SAP30: variants seen among roughly 807,000 people sequenced by gnomAD.
SAP30 encodes histone deacetylase complex subunit SAP30.
Under a neutral mutation model 19.6 loss-of-function variants are expected in SAP30, and 13 were observed. The observed-to-expected ratio is 0.66, with a 90% CI of 0.43 to 1.05. The LOEUF (loss-of-function observed/expected upper bound fraction) is 1.05. Among genes scored for constraint, SAP30 ranks in the 50% least tolerant of loss-of-function variants. The probability of loss-of-function intolerance (pLI) is 0.00; values close to 1 mark genes in which losing one functional copy is unlikely to be tolerated. For missense variants in SAP30, 257 were observed against 292.1 expected (o/e 0.88, Z 0.88); for synonymous variants, 108 against 122.7 (o/e 0.88, Z 0.79).
intron 3 of SAP30, 107 bp from the exon 4 acceptor site, chr4:173,377,098 C>T: frequency 1.5e-6 from 1 of 667,056 alleles, no homozygotes; most frequent in Non-Finnish European, 2.4e-6. Flanking sequence ...AGGAAATAGC[C>T]CTTATCACAT....
chr4:173,374,084 G>T (rs1389354932), intron 3 of SAP30, 47 bp downstream of exon 3: 22 of 991,498 alleles, frequency 2.2e-5, no homozygotes, highest in Non-Finnish European at 3.4e-5. Flanking sequence ...CAACCGAGAG[G>T]TTATTAAGTG....
chr4:173,373,953 A>T lies in SAP30; in HGVS notation c.456A>T (p.Gln152His). 6.4e-7 allele frequency: 1 copy of T among 1,566,350 alleles called. No homozygotes were observed. The highest frequency in any genetic ancestry group is 1.4e-5 in the African/African-American group (1 of 72,928). Residue 152 changes from glutamine (Q) to histidine (H), a missense_variant, in exon 3 of 4, where the codon CAA (glutamine) becomes CAT (histidine). By Grantham distance (24) the Gln-to-His change is conservative (BLOSUM62 0). Transcript: ENST00000296504. Reference protein sequence around the residue: ...DIDTPEVDLYQLQVNTLRRYK... With the variant: ...DIDTPEVDLYHLQVNTLRRYK... ...ATTTTTTCTAGGTTGATTTATACCA[A>T]TTACAAGTAAATACACTTAGGAGAT...
chr4:173,372,643 G>A (rs1738962533), intron 1 of SAP30, among the ~76,000 whole-genome samples: 1 of 152,216 alleles, frequency 6.6e-6, no homozygotes, highest in Admixed American at 6.5e-5. Flanking sequence ...AGACTGGAAA[G>A]CATACATTAT....
At chr4:173,372,232 G>A (rs1738954754) in intron 1 of SAP30, among the ~76,000 whole-genome samples, 1 of 152,194 alleles carries the variant, frequency 6.6e-6, no homozygotes, top group Non-Finnish European at 1.5e-5. Flanking sequence ...TCTGGCTAGC[G>A]GTAAATGAAT....
Position 173,371,260 on chromosome 4 carries a change from G to GGCC in SAP30, c.88_90dup (p.Ala30dup). ...CAGTGGCCGCAGTGGTCGCTGCCGC[G>GGCC]GCCGCCGCCGCCTCGGCGGGGAACG... On this transcript the variant is annotated inframe_insertion, in exon 1 of 4. Coordinates refer to ENST00000296504, the MANE Select transcript of SAP30 (RefSeq NM_003864.4). The surrounding 1 kb of genome is among the most constrained non-coding windows in gnomAD (Gnocchi z 6.4). 2 of 1,292,862 alleles carry GGCC rather than the reference G, an allele frequency of 1.5e-6. No individual in the cohort carries two copies. Among genetic ancestry groups the GGCC allele is most frequent in the South Asian group, 1.9e-5 (1 of 52,934 alleles). 80.1% of individuals were successfully genotyped at this position (1,292,862 alleles called of 1,614,324 possible). A position where few individuals can be genotyped will look rare whatever the true frequency, so the allele number is the denominator to read the frequency against.
intron 3 of SAP30, among the ~76,000 whole-genome samples, chr4:173,376,364 T>A (rs2126906348): frequency 6.6e-6 from 1 of 152,308 alleles, no homozygotes; most frequent in East Asian, 1.9e-4. Context: ...TCAAGGAACC[T>A]TAACCAAAGA....
intron 1 of SAP30, among the ~76,000 whole-genome samples, chr4:173,372,337 T>G (rs1246049140): frequency 2.6e-5 from 4 of 152,238 alleles, no homozygotes; most frequent in Admixed American, 2.0e-4. Context: ...CAGTCCGTGT[T>G]TGTTTCAAAT....
chr4:173,377,470 G>A lies in SAP30; in HGVS notation c.*143G>A, dbSNP rs1739065654. 2.7e-6 allele frequency: 2 copies of A among 743,542 alleles called. No homozygotes were observed. Among genetic ancestry groups the A allele is most frequent in the African/African-American group, 3.8e-5 (2 of 53,254 alleles). The allele number at this position is 743,542 out of a possible 1,614,324, so 46.1% of individuals were successfully genotyped here. On this transcript the variant is annotated 3_prime_UTR_variant, in exon 4 of 4. Transcript: ENST00000296504. ...TGTTTCTGACTCTAATAATTAGTTG[G>A]AAACTCATATAAAATGAGCTTTCCT...
chr4:173,374,247 T>C (rs1219155100), intron 3 of SAP30, among the ~76,000 whole-genome samples: 1 of 152,226 alleles, frequency 6.6e-6, no homozygotes, highest in Non-Finnish European at 1.5e-5. Context: ...GTAGATTGTG[T>C]ACAGCACCTT....
chr4:173,376,320 C>T (rs1739038629), intron 3 of SAP30, among the ~76,000 whole-genome samples: 1 of 152,216 alleles, frequency 6.6e-6, no homozygotes, highest in Admixed American at 6.5e-5. Context: ...TTTCTCCTCT[C>T]ATTTCCATTC....
chr4:173,377,075 A>G (rs1052174432), intron 3 of SAP30, 130 bp from the exon 4 acceptor site: 19 of 552,738 alleles, frequency 3.4e-5, no homozygotes, highest in Non-Finnish European at 5.5e-5. Flanking sequence ...ATTTTGTTAA[A>G]TATAATTTTT....
chr4:173,372,913 G>A (rs1437790739), intron 1 of SAP30, among the ~76,000 whole-genome samples: 3 of 152,170 alleles, frequency 2.0e-5, no homozygotes, highest in Admixed American at 2.0e-4. Context: ...CTCCTGAGTA[G>A]CTGGGATTAC....
Position 173,374,037 on chromosome 4 carries a change from G to A in SAP30, c.540G>A (p.Glu180=). Residue 180 remains glutamate (E), a splice_region_variant and synonymous_variant, in exon 3 of 4, where the codon GAG becomes GAA. Coordinates refer to ENST00000296504, the MANE Select transcript of SAP30 (RefSeq NM_003864.4). ...RPGLNKAQLV[E]IVGCHFRSIP... ...GACTTAATAAAGCACAACTTGTTGA[G>A]GTATATATGAGTTTTAAACTATTTG... 2 of 1,554,436 alleles carry A rather than the reference G, an allele frequency of 1.3e-6. No homozygotes were observed. The highest frequency in any genetic ancestry group is 1.8e-6 in the Non-Finnish European group (2 of 1,138,474).
chr4:173,372,062 C>T (rs1313936775), intron 1 of SAP30, among the ~76,000 whole-genome samples: 1 of 152,234 alleles, frequency 6.6e-6, no homozygotes, highest in Non-Finnish European at 1.5e-5. Context: ...TTGTAAACGG[C>T]GTTTGCGCTG....
intron 3 of SAP30, among the ~76,000 whole-genome samples, chr4:173,376,618 T>C (rs1739045825): frequency 6.6e-6 from 1 of 152,044 alleles, no homozygotes; most frequent in South Asian, 2.1e-4. Flanking sequence ...ATTTTTATTT[T>C]ATTTATTTAT....
chr4:173,374,504 C>T (rs1205678472), intron 3 of SAP30, among the ~76,000 whole-genome samples: 1 of 152,144 alleles, frequency 6.6e-6, no homozygotes, highest in Non-Finnish European at 1.5e-5. Context: ...TTGTTTCAAA[C>T]TCCTGACTTC....
At chr4:173,372,238 T>G (rs187331556) in intron 1 of SAP30, among the ~76,000 whole-genome samples, 1 of 152,368 alleles carries the variant, frequency 6.6e-6, no homozygotes, top group Admixed American at 6.5e-5. Context: ...TAGCGGTAAA[T>G]GAATAACATG....
Position 173,377,185 on chromosome 4 carries a change from A to C in SAP30, c.541-20A>C. 1.3e-6 allele frequency: 2 copies of C among 1,542,074 alleles called. No individual in the cohort carries two copies. The highest frequency in any genetic ancestry group is 1.7e-6 in the Non-Finnish European group (2 of 1,146,786). On this transcript the variant is annotated intron_variant, in intron 3 of 3. Transcript: ENST00000296504. ...GTTATATCTAAAATTTAATTTCCTT[A>C]ATTTTTCTTTTCTTTGTAGATAGTT...
At position 173,371,229 on chromosome 4, in the gene SAP30, CCGCCGCAGT is replaced by C. The variant is rs1738921785; in HGVS notation, c.48_56del (p.Ala20_Val22del). The stretch of plus-strand genomic sequence containing the variant: ...GAGATGAGCCGCGGCGGGGATGCGG[CCGCCGCAGT>C]GGCCGCAGTGGTCGCTGCCGCGGCC... On this transcript the variant is annotated inframe_deletion, in exon 1 of 4. Transcript: ENST00000296504. This position sits in a 1 kb window ranked among gnomAD's most constrained non-coding sequence, Gnocchi z 6.4. 6.9e-7 allele frequency: 1 copy of C among 1,459,056 alleles called. No homozygotes were observed. The allele number at this position is 1,459,056 out of a possible 1,614,324, so 90.4% of individuals were successfully genotyped here.
Sources: gnomAD v4.1 joint callset for allele counts (sites outside exome capture counted in the v4.1 genomes callset) on GRCh38, gnomAD v4.1.1 for gene constraint, Gnocchi (gnomAD v3.1) non-coding constraint, MANE v1.5 for transcripts, NCBI Gene and HGNC (gene_info 2026-07-23, HGNC 2026-07-21) for gene names.